ACTR3C: variants seen among roughly 807,000 people sequenced by gnomAD.
ACTR3C encodes actin related protein 3C, also known as actin-related protein 3C.
A neutral mutation model predicts 26.3 loss-of-function variants in ACTR3C; 18 were observed. The observed-to-expected ratio is 0.68, with a 90% CI of 0.47 to 1.01. The LOEUF (loss-of-function observed/expected upper bound fraction) is 1.01. Among genes scored for constraint, ACTR3C ranks in the 50% least tolerant of loss-of-function variants. The pLI is 0.00. For synonymous variants in ACTR3C, 55 were observed against 94.5 expected (o/e 0.58, Z 2.42); for missense variants, 184 against 250.7 (o/e 0.73, Z 1.80).
intron 1 of ACTR3C, among the ~76,000 whole-genome samples, chr7:150,315,372 A>G (rs1796762661): frequency 6.6e-6 from 1 of 152,116 alleles, no homozygotes; most frequent in South Asian, 2.1e-4. Flanking sequence ...CTGGAAGAGG[A>G]TATGCAGCCG....
At chr7:150,134,020 G>A in the ACTR3C span, among the ~76,000 whole-genome samples, 2 of 152,100 alleles carry the variant, frequency 1.3e-5, no homozygotes, top group African/African-American at 4.8e-5. Flanking sequence ...TTACAGGCAT[G>A]AGCCACCACC....
the ACTR3C span, among the ~76,000 whole-genome samples, chr7:150,189,039 A>T: frequency 1.3e-5 from 2 of 151,174 alleles, no homozygotes; most frequent in Admixed American, 6.6e-5. Context: ...GCTCCCTCCA[A>T]CACCCCAGGG....
chr7:150,291,113 C>G (rs527604410), intron 3 of ACTR3C, among the ~76,000 whole-genome samples: 3 of 151,904 alleles, frequency 2.0e-5, no homozygotes, highest in South Asian at 2.1e-4. Context: ...TGTGTGCATG[C>G]ATGCGTGCAC....
At chr7:149,882,497 ATCCT>A in the ACTR3C span, among the ~76,000 whole-genome samples, 145 of 152,124 alleles carry the variant, frequency 9.5e-4, no homozygotes, top group South Asian at 0.014. Flanking sequence ...CACATCTTCC[ATCCT>A]TCCTTCCTGT....
chr7:150,196,246 T>A, the ACTR3C span, among the ~76,000 whole-genome samples: 1 of 152,250 alleles, frequency 6.6e-6, no homozygotes, highest in African/African-American at 2.4e-5. Context: ...ATAATGCCTA[T>A]GTTAAGCCAT....
chr7:150,246,016 A>C (rs181879418), downstream of ACTR3C: 4 of 152,332 alleles, frequency 2.6e-5, no homozygotes, highest in East Asian at 7.7e-4. Context: ...TATGCAGAGA[A>C]AAATCAGGTT....
At chr7:150,306,472 GGTGGGAATCTGTGATTTGTTT>G (rs1460184758) in intron 1 of ACTR3C, among the ~76,000 whole-genome samples, 1 of 152,180 alleles carries the variant, frequency 6.6e-6, no homozygotes, top group African/African-American at 2.4e-5. Context: ...AAATCTGACA[GGTGGGAATCTGTGATTTGTTT>G]TGGCTGTAAA....
At chr7:150,006,185 A>AATTAATTTATTTATTTATTTATTT in the ACTR3C span, among the ~76,000 whole-genome samples, 11 of 139,016 alleles carry the variant, frequency 7.9e-5, no homozygotes, top group African/African-American at 2.2e-4. Context: ...AATTGCACAG[A>AATTAATTTATTTATTTATTTATTT]ATTTATTTAT....
chr7:150,112,210 G>T, the ACTR3C span, among the ~76,000 whole-genome samples: 1 of 151,746 alleles, frequency 6.6e-6, no homozygotes, highest in East Asian at 1.9e-4. Flanking sequence ...AACATCCCCC[G>T]ATGCCCTCCT....
At chr7:150,250,860 C>T (rs13230018) in intron 6 of ACTR3C, among the ~76,000 whole-genome samples, 1 of 151,996 alleles carries the variant, frequency 6.6e-6, no homozygotes. Context: ...ACCTAGATTT[C>T]GGAAGAGAGC....
the ACTR3C span, among the ~76,000 whole-genome samples, chr7:150,128,045 A>T: frequency 7.7e-6 from 1 of 130,672 alleles, no homozygotes; most frequent in African/African-American, 3.5e-5. Context: ...ACCTGATCAA[A>T]TTCATTCCAA....
the ACTR3C span, among the ~76,000 whole-genome samples, chr7:149,984,705 C>T: frequency 6.6e-6 from 1 of 151,772 alleles, no homozygotes; most frequent in African/African-American, 2.4e-5. Flanking sequence ...ATATGATATC[C>T]ACTGTCCACG....
At chr7:149,912,937 G>T in the ACTR3C span, among the ~76,000 whole-genome samples, 1 of 151,992 alleles carries the variant, frequency 6.6e-6, no homozygotes, top group Non-Finnish European at 1.5e-5. Context: ...CCATTTTCCT[G>T]GGCTATTCCT....
the ACTR3C span, among the ~76,000 whole-genome samples, chr7:150,083,058 G>C: frequency 7.0e-6 from 1 of 143,808 alleles, no homozygotes; most frequent in Non-Finnish European, 1.5e-5. Context: ...CAATCTTCAT[G>C]CCTCAGCCTC....
the ACTR3C span, among the ~76,000 whole-genome samples, chr7:150,030,709 A>T: frequency 2.0e-5 from 3 of 152,132 alleles, no homozygotes; most frequent in African/African-American, 7.2e-5. Flanking sequence ...GCCAAACTCT[A>T]GCACCCTTGA....
the ACTR3C span, among the ~76,000 whole-genome samples, chr7:150,188,792 A>G: frequency 0.051 from 7,549 of 146,876 alleles, 2 homozygotes; most frequent in African/African-American, 0.19. Context: ...AATTATACCT[A>G]AATAAACCTG....
At chr7:149,968,646 T>C in the ACTR3C span, among the ~76,000 whole-genome samples, 1 of 152,264 alleles carries the variant, frequency 6.6e-6, no homozygotes, top group African/African-American at 2.4e-5. Context: ...TGAGCCATCA[T>C]GTCTAGCCTT....
the ACTR3C span, among the ~76,000 whole-genome samples, chr7:149,960,838 A>G: frequency 1.3e-5 from 2 of 152,266 alleles, no homozygotes; most frequent in Non-Finnish European, 2.9e-5. Context: ...ATCATGTGCA[A>G]GAATCCCAAG....
At chr7:149,889,250 C>T in the ACTR3C span, among the ~76,000 whole-genome samples, 2 of 152,044 alleles carry the variant, frequency 1.3e-5, no homozygotes, top group African/African-American at 4.8e-5. Context: ...TGCACAGAAA[C>T]AAATTTCAGG....
Sources: gnomAD v4.1 joint callset for allele counts (sites outside exome capture counted in the v4.1 genomes callset) on GRCh38, gnomAD v4.1.1 for gene constraint, MANE v1.5 for transcripts, NCBI Gene and HGNC (gene_info 2026-07-23, HGNC 2026-07-21) for gene names.